The following PBX4 variants were observed in gnomAD, a reference collection of about 807,000 sequenced individuals.
PBX4 encodes the protein pre-B-cell leukemia transcription factor 4.
Under a neutral mutation model 35.1 loss-of-function variants are expected in PBX4, and 26 were observed. That is an observed-to-expected ratio of 0.74 (90% CI 0.54 to 1.03). PBX4 has a LOEUF of 1.03. PBX4 is among the 50% of genes least tolerant of loss of function. The pLI, the probability that PBX4 is intolerant of heterozygous loss-of-function variation, is 0.00. For synonymous variants in PBX4, 199 were observed against 204.2 expected (o/e 0.97, Z 0.22); for missense variants, 448 against 504.3 (o/e 0.89, Z 1.07).
intron 5 of PBX4, among the ~76,000 whole-genome samples, chr19:19,567,615 G>A (rs1471919869): frequency 6.6e-6 from 1 of 152,178 alleles, no homozygotes; most frequent in East Asian, 1.9e-4. Flanking sequence ...TGCCACGGGG[G>A]TATGGCCTGG....
At position 19,570,136 on chromosome 19, in the gene PBX4, G is replaced by A; in HGVS notation, c.605C>T (p.Thr202Ile). Reference sequence around the variant, plus strand: ...GGCATCGAGCAGCCGCGAACGCAGGGTCATCACTGCCTCACAGGTGCTCTG... The same window carrying A: ...GGCATCGAGCAGCCGCGAACGCAGGATCATCACTGCCTCACAGGTGCTCTG... The part of the protein sequence containing the change: ...LKQSTCEAVM[T>I]LRSRLLDARR... The change falls in exon 4 of 8, where the codon ACC becomes ATC. Residue 202 changes from threonine (T) to isoleucine (I), a missense_variant. Transcript: ENST00000251203. 1.2e-6 allele frequency: 2 copies of A among 1,611,956 alleles called. No homozygotes were observed. The highest frequency in any genetic ancestry group is 1.7e-6 in the Non-Finnish European group (2 of 1,178,932).
chr19:19,564,031 G>A (rs1334232616), intron 6 of PBX4, among the ~76,000 whole-genome samples: 1 of 151,698 alleles, frequency 6.6e-6, no homozygotes, highest in Admixed American at 6.6e-5. Flanking sequence ...TAGGGTACAT[G>A]TGCACAATGT....
chr19:19,617,046 T>A (rs2061692482), intron 1 of PBX4, among the ~76,000 whole-genome samples: 1 of 152,176 alleles, frequency 6.6e-6, no homozygotes, highest in African/African-American at 2.4e-5. Flanking sequence ...CCAGCCAGAC[T>A]CCGCTTTTTA....
intron 1 of PBX4, among the ~76,000 whole-genome samples, chr19:19,604,861 A>G (rs1414444537): frequency 6.6e-6 from 1 of 151,888 alleles, no homozygotes; most frequent in Non-Finnish European, 1.5e-5. Context: ...CGGCCTCCCA[A>G]AGTGCTGGGA....
rs776372370 is a variant in PBX4, at chr19:19,570,715, C to T, written c.312G>A (p.Ala104=). ...CRPEKRGRGG[A]VARAGTATPG... ...GTGTTGCTGTGCCGGCCCTGGCCACCGCTCCTCCTCTTCCTCTCTTCTCGG... is the reference window on the plus strand; with the variant it reads ...GTGTTGCTGTGCCGGCCCTGGCCACTGCTCCTCCTCTTCCTCTCTTCTCGG... The change falls in exon 3 of 8, where the codon GCG becomes GCA. Residue 104 remains alanine (A), a synonymous_variant. Coordinates refer to ENST00000251203, the MANE Select transcript of PBX4 (RefSeq NM_025245.3). The T allele has an allele frequency of 9.3e-6, 15 of 1,614,036 alleles. No homozygotes were observed. Among genetic ancestry groups the T allele is most frequent in the African/African-American group, 2.7e-5 (2 of 74,920 alleles).
chr19:19,612,685 C>A (rs1465283855), intron 1 of PBX4, among the ~76,000 whole-genome samples: 1 of 152,028 alleles, frequency 6.6e-6, no homozygotes, highest in Non-Finnish European at 1.5e-5. Context: ...AAGGCTAGGT[C>A]CAAAGAAATG....
intron 2 of PBX4, chr19:19,588,107 G>C (rs1304777577): frequency 1.0e-6 from 1 of 959,248 alleles, no homozygotes. Flanking sequence ...TCTTGAAGCC[G>C]TATTTTTTGC....
At chr19:19,578,558 C>A (rs776954270) in intron 2 of PBX4, among the ~76,000 whole-genome samples, 1 of 152,220 alleles carries the variant, frequency 6.6e-6, no homozygotes, top group Non-Finnish European at 1.5e-5. Flanking sequence ...GGGATACCAT[C>A]TGTCGGAGGC....
At chr19:19,577,207 A>C (rs2061425090) in intron 2 of PBX4, among the ~76,000 whole-genome samples, 1 of 152,130 alleles carries the variant, frequency 6.6e-6, no homozygotes, top group East Asian at 1.9e-4. Flanking sequence ...AAAAAAAAAA[A>C]AAAAACTCTC....
At chr19:19,613,225 G>T (rs1239858014) in intron 1 of PBX4, among the ~76,000 whole-genome samples, 1 of 151,488 alleles carries the variant, frequency 6.6e-6, no homozygotes, top group Middle Eastern at 3.2e-3. Flanking sequence ...CAGCACTTTG[G>T]GAGGCCGAGG....
chr19:19,575,930 G>A (rs1016717711), intron 2 of PBX4, among the ~76,000 whole-genome samples: 4 of 152,142 alleles, frequency 2.6e-5, no homozygotes, highest in South Asian at 2.1e-4. Context: ...TCTGACAGCC[G>A]GGGTGAGGAA....
chr19:19,595,338 G>A (rs540099887), intron 2 of PBX4, among the ~76,000 whole-genome samples: 6 of 152,288 alleles, frequency 3.9e-5, no homozygotes, highest in Admixed American at 6.5e-5. Flanking sequence ...CCTTCTGAGC[G>A]GCTTCCCTCA....
In PBX4 at chr19:19,612,855, G is replaced by T. The variant is rs544553911; in HGVS notation, c.119+5656C>A. On this transcript the variant is annotated intron_variant, in intron 1 of 7. Transcript: ENST00000251203. ...TTTAATTTCTTTTTTTTTTTTCTCT[G>T]TCATCCAGGCTGGAGTGCAGTGGCA... Among the ~76,000 whole-genome samples the T allele has an allele frequency of 1.9e-4, 29 of 149,464 alleles. No homozygotes were observed. The South Asian group carries it at 5.7e-3, about 29-fold the overall frequency.
intron 2 of PBX4, chr19:19,588,189 T>C: frequency 7.5e-7 from 1 of 1,338,096 alleles, no homozygotes; most frequent in Non-Finnish European, 1.1e-6. Flanking sequence ...TTCTCCTGGA[T>C]GGTGCACTCC....
intron 2 of PBX4, among the ~76,000 whole-genome samples, chr19:19,587,072 T>C (rs559050440): frequency 3.9e-5 from 6 of 152,184 alleles, no homozygotes; most frequent in South Asian, 4.1e-4. Context: ...TGGCACAATC[T>C]TGGCTCACTG....
chr19:19,571,398 A>G (rs2061382045), intron 2 of PBX4, among the ~76,000 whole-genome samples: 1 of 152,210 alleles, frequency 6.6e-6, no homozygotes. Context: ...GAAATAACCC[A>G]CTGAAAGATT....
rs528290398 is a variant in PBX4 at position 19,612,032 on chromosome 19, GC to G, written c.119+6478del. The stretch of plus-strand genomic sequence containing the variant: ...GCCTGTAATCCCTGCACTTTGGGAG[GC>G]TGAGGCAGGCAGATCACCTGAAGCC... On this transcript the variant is annotated intron_variant, in intron 1 of 7. Coordinates refer to ENST00000251203, the MANE Select transcript of PBX4 (RefSeq NM_025245.3). Among the ~76,000 whole-genome samples, 813 of 152,234 alleles carry G rather than the reference GC, an allele frequency of 5.3e-3. 6 individuals carry two copies. Among genetic ancestry groups the G allele is most frequent in the Non-Finnish European group, 9.2e-3 (623 of 68,016 alleles).
At chr19:19,583,097 C>T (rs1235046647) in intron 2 of PBX4, among the ~76,000 whole-genome samples, 1 of 152,094 alleles carries the variant, frequency 6.6e-6, no homozygotes, top group Non-Finnish European at 1.5e-5. Context: ...GTAGGTGGAT[C>T]ACCTGAGGTC....
intron 2 of PBX4, among the ~76,000 whole-genome samples, chr19:19,595,840 C>G (rs1409580877): frequency 6.6e-6 from 1 of 152,108 alleles, no homozygotes; most frequent in Admixed American, 6.6e-5. Flanking sequence ...AGCAAAAGTA[C>G]TGAGGACAAC....
Sources: allele counts gnomAD v4.1 joint callset (sites outside exome capture counted in the v4.1 genomes callset), GRCh38; gene constraint gnomAD v4.1.1; transcripts MANE v1.5; gene names NCBI Gene and HGNC (gene_info 2026-07-23, HGNC 2026-07-21).